The following BASP1 variants were observed in gnomAD, a reference collection of about 807,000 sequenced individuals.
BASP1 encodes the protein brain acid soluble protein 1.
A neutral mutation model predicts 2.2 loss-of-function variants in BASP1; 1 was observed. That is an observed-to-expected ratio of 0.46 (90% CI 0.16 to 2.17). The LOEUF (loss-of-function observed/expected upper bound fraction) is 2.17. BASP1 is among the 30% of genes most tolerant of loss of function. BASP1 has a pLI of 0.27. For synonymous variants in BASP1, 187 were observed against 154.2 expected, an observed-to-expected ratio of 1.21 and a Z score of -1.58; for missense variants, 352 against 327.2, an observed-to-expected ratio of 1.08 and a Z score of -0.58.
At chr5:17,219,534 C>A (rs982501450) in intron 1 of BASP1, among the ~76,000 whole-genome samples, 1 of 152,140 alleles carries the variant, frequency 6.6e-6, no homozygotes, top group Non-Finnish European at 1.5e-5. Context: ...TGTTCTTTTT[C>A]CTGTAACATA....
At chr5:17,230,467 A>T (rs189279545) in intron 1 of BASP1, among the ~76,000 whole-genome samples, 2 of 152,306 alleles carry the variant, frequency 1.3e-5, no homozygotes, top group East Asian at 3.9e-4. Context: ...TAAAACAAGT[A>T]GTGATACTTA....
chr5:17,264,504 T>C (rs1740377537), intron 1 of BASP1, among the ~76,000 whole-genome samples: 1 of 152,234 alleles, frequency 6.6e-6, no homozygotes, highest in Admixed American at 6.5e-5. Context: ...TAGATGATAG[T>C]TGCTTGTCCA....
Position 17,262,515 on chromosome 5 carries a change from C to T in BASP1, c.-9-12693C>T, listed in dbSNP as rs574571254. ...GTGGGGATAGTAATAATTCCTCCCT[C>T]GTAGAACTGATGAGATAGCTAATGA... On this transcript the variant is annotated intron_variant, in intron 1 of 1. Transcript: ENST00000322611. Among the ~76,000 whole-genome samples the T allele has an allele frequency of 1.3e-4, 20 of 152,236 alleles. No homozygotes were observed. In the South Asian group the frequency reaches 2.7e-3, roughly 21 times the overall value.
intron 1 of BASP1, among the ~76,000 whole-genome samples, chr5:17,245,214 ATTGC>A (rs1219433935): frequency 6.6e-6 from 1 of 150,760 alleles, no homozygotes; most frequent in African/African-American, 2.4e-5. Flanking sequence ...AGGCAGGAGA[ATTGC>A]TTGCAGCTGG....
intron 1 of BASP1, among the ~76,000 whole-genome samples, chr5:17,247,144 T>G (rs114354664): frequency 6.6e-6 from 1 of 152,190 alleles, no homozygotes; most frequent in Non-Finnish European, 1.5e-5. Flanking sequence ...GAGATTGCGT[T>G]GTTGCACTCC....
intron 1 of BASP1, among the ~76,000 whole-genome samples, chr5:17,250,913 T>C (rs1740091016): frequency 6.6e-6 from 1 of 152,206 alleles, no homozygotes; most frequent in South Asian, 2.1e-4. Flanking sequence ...CAAAATATTT[T>C]AACCTGAATT....
At chr5:17,217,534 G>C (rs1261565713), upstream of BASP1, 5 of 137,568 alleles carry the variant, frequency 3.6e-5, no homozygotes, top group Admixed American at 3.6e-4. Flanking sequence ...GAGGAGGGAG[G>C]CTGGGCGGGC....
At chr5:17,274,943 C>A (rs1233386948) in intron 1 of BASP1, among the ~76,000 whole-genome samples, 1 of 152,068 alleles carries the variant, frequency 6.6e-6, no homozygotes, top group Non-Finnish European at 1.5e-5. Flanking sequence ...GCGGGAGGAT[C>A]CCCTGAGCCC....
Position 17,260,098 on chromosome 5 carries a change from CT to C in BASP1, c.-9-15106del, listed in dbSNP as rs1740287719. Among the ~76,000 whole-genome samples the C allele has an allele frequency of 6.6e-6, 1 of 152,106 alleles. No individual in the cohort carries two copies. The highest frequency in any genetic ancestry group is 2.1e-4 in the South Asian group (1 of 4,828). On this transcript the variant is annotated intron_variant, in intron 1 of 1. Transcript: ENST00000322611. The surrounding 1 kb of genome is among the most constrained non-coding windows in gnomAD (Gnocchi z 4.2). Reference sequence around the variant, plus strand: ...ATATGTTAGGCTGCAATAACTGGGGCTTTTGAAAGGACCACCCGTTAAGTGC... The same window carrying C: ...ATATGTTAGGCTGCAATAACTGGGGCTTTGAAAGGACCACCCGTTAAGTGC...
At chr5:17,241,749 C>T (rs751716400) in intron 1 of BASP1, among the ~76,000 whole-genome samples, 2 of 152,156 alleles carry the variant, frequency 1.3e-5, no homozygotes, top group Non-Finnish European at 2.9e-5. Flanking sequence ...GATGTTCTCT[C>T]CTGTCCCTTC....
chr5:17,265,559 A>C (rs967978441), intron 1 of BASP1, among the ~76,000 whole-genome samples: 2 of 152,196 alleles, frequency 1.3e-5, no homozygotes, highest in African/African-American at 4.8e-5. Context: ...ATGGCATGTC[A>C]TCACTTAGAC....
intron 1 of BASP1, among the ~76,000 whole-genome samples, chr5:17,230,396 A>G (rs1203949503): frequency 6.6e-6 from 1 of 152,082 alleles, no homozygotes; most frequent in African/African-American, 2.4e-5. Context: ...GTCGGGAATC[A>G]TGGAAATCCT....
intron 1 of BASP1, among the ~76,000 whole-genome samples, chr5:17,231,872 A>C (rs1579483426): frequency 6.6e-6 from 1 of 152,156 alleles, no homozygotes; most frequent in Non-Finnish European, 1.5e-5. Context: ...ATGTCTGTTC[A>C]GTGTTGAAGG....
chr5:17,243,211 C>T (rs1407798559), intron 1 of BASP1, among the ~76,000 whole-genome samples: 5 of 151,506 alleles, frequency 3.3e-5, no homozygotes, highest in African/African-American at 4.9e-5. Flanking sequence ...TGCAGGGCCG[C>T]GATCTTGACT....
chr5:17,238,180 A>G (rs1739787291), intron 1 of BASP1, among the ~76,000 whole-genome samples: 1 of 151,448 alleles, frequency 6.6e-6, no homozygotes, highest in African/African-American at 2.4e-5. Flanking sequence ...TTTTCAGTAC[A>G]GCACTGGACA....
intron 1 of BASP1, among the ~76,000 whole-genome samples, chr5:17,257,564 A>T (rs1740240080): frequency 6.6e-6 from 1 of 152,142 alleles, no homozygotes; most frequent in South Asian, 2.1e-4. Flanking sequence ...AATGCTAACA[A>T]CCACCTCCCC....
intron 1 of BASP1, among the ~76,000 whole-genome samples, chr5:17,248,060 T>A (rs189637014): frequency 6.6e-6 from 1 of 152,324 alleles, no homozygotes; most frequent in African/African-American, 2.4e-5. Context: ...ATTCAAACAC[T>A]TGAATATTCC....
Position 17,270,103 on chromosome 5 carries a change from C to T in BASP1, c.-9-5105C>T, listed in dbSNP as rs1023965898. On this transcript the variant is annotated intron_variant, in intron 1 of 1. Coordinates refer to ENST00000322611, the MANE Select transcript of BASP1 (RefSeq NM_006317.5). ...GCAACCTCCACTTCCCAGGTTCAAG[C>T]GATTCTCCTGCCTCAGCCTCCTGAG... Among the ~76,000 whole-genome samples the T allele has an allele frequency of 3.9e-5, 6 of 152,122 alleles. No individual in the cohort carries two copies. In the East Asian group the frequency reaches 7.7e-4, roughly 20 times the overall value.
Position 17,222,814 on chromosome 5 carries a change from T to A in BASP1, c.-10+5004T>A, listed in dbSNP as rs889088130. On this transcript the variant is annotated intron_variant, in intron 1 of 1. Transcript: ENST00000322611. The stretch of plus-strand genomic sequence containing the variant: ...TTTTTTGACTCAACAAGGCCGTCAG[T>A]GCTGAGAGGTGGTGATTGAGCAGGC... Among the ~76,000 whole-genome samples, 7 of 152,144 alleles carry A rather than the reference T, an allele frequency of 4.6e-5. No homozygotes were observed. The East Asian group carries it at 1.3e-3, about 29-fold the overall frequency.
Sources: allele counts gnomAD v4.1 joint callset (sites outside exome capture counted in the v4.1 genomes callset), GRCh38; gene constraint gnomAD v4.1.1; non-coding constraint Gnocchi (gnomAD v3.1); transcripts MANE v1.5; gene names NCBI Gene and HGNC (gene_info 2026-07-23, HGNC 2026-07-21).